The following ARHGEF17 variants were observed in gnomAD, a reference collection of about 807,000 sequenced individuals.
ARHGEF17 encodes the protein Rho guanine nucleotide exchange factor 17.
In ARHGEF17, 80 loss-of-function variants were observed where a neutral mutation model predicts 174.0. The ratio of observed to expected loss-of-function variants is 0.46; its 90% CI spans 0.38 to 0.55. The LOEUF (loss-of-function observed/expected upper bound fraction) is 0.55, where lower values mean the gene tolerates loss of function less well. Ranked by LOEUF, ARHGEF17 falls within the 20% of genes least tolerant of loss-of-function variation. ARHGEF17 has a pLI of 0.00. For missense variants in ARHGEF17, 2,886 were observed against 2,839.7 expected (o/e 1.02, Z -0.37); for synonymous variants, 1,311 against 1,189.1 (o/e 1.10, Z -2.11).
chr11:73,364,798 G>A, intron 18 of ARHGEF17, 198 bp downstream of exon 18: 1 of 653,018 alleles, frequency 1.5e-6, no homozygotes, highest in Non-Finnish European at 2.5e-6. Flanking sequence ...AATACAGTAA[G>A]TGTCCCATAT....
intron 1 of ARHGEF17, among the ~76,000 whole-genome samples, chr11:73,334,982 G>A (rs1028702431): frequency 6.6e-6 from 1 of 152,234 alleles, no homozygotes; most frequent in Non-Finnish European, 1.5e-5. Context: ...CTGGTCTGGT[G>A]CTGAGCCAGT....
chr11:73,322,496 C>G (rs1865032971), intron 1 of ARHGEF17, among the ~76,000 whole-genome samples: 1 of 152,248 alleles, frequency 6.6e-6, no homozygotes, highest in African/African-American at 2.4e-5. Context: ...CCCCATGCAT[C>G]TCACCATTGC....
chr11:73,333,874 A>G (rs1338158347), intron 1 of ARHGEF17, among the ~76,000 whole-genome samples: 1 of 152,200 alleles, frequency 6.6e-6, no homozygotes, highest in Non-Finnish European at 1.5e-5. Flanking sequence ...GTGCCCATAT[A>G]TCAAATGCGT....
chr11:73,326,996 G>T (rs1463236471), intron 1 of ARHGEF17, among the ~76,000 whole-genome samples: 1 of 152,204 alleles, frequency 6.6e-6, no homozygotes, highest in Non-Finnish European at 1.5e-5. Flanking sequence ...TGCAGGCTCA[G>T]AAGGGCAACC....
intron 2 of ARHGEF17, among the ~76,000 whole-genome samples, chr11:73,352,491 G>T (rs1865570681): frequency 6.6e-6 from 1 of 152,194 alleles, no homozygotes; most frequent in Non-Finnish European, 1.5e-5. Flanking sequence ...CGTAGTAAGT[G>T]CTCAGTAAAT....
In ARHGEF17 at chr11:73,356,184, A is replaced by C; in HGVS notation, c.3673A>C (p.Lys1225Gln). 1.2e-6 allele frequency: 2 copies of C among 1,613,860 alleles called. No individual in the cohort carries two copies. The highest frequency in any genetic ancestry group is 1.7e-6 in the Non-Finnish European group (2 of 1,179,980). ...CCCATTCCCACCCCAGGACCTCCTG[A>C]AGCATACACCTGAGGACCACCCGGA... ...RYELLVKDLL[K>Q]HTPEDHPDHP... The change falls in exon 6 of 21, where the codon AAG (lysine) becomes CAG (glutamine). Residue 1225 changes from lysine to glutamine, a missense_variant. Coordinates refer to ENST00000263674, the MANE Select transcript of ARHGEF17 (RefSeq NM_014786.4).
chr11:73,356,439 A>T (rs1204132669), intron 6 of ARHGEF17, 88 bp downstream of exon 6: 5 of 1,389,648 alleles, frequency 3.6e-6, no homozygotes, highest in Non-Finnish European at 4.7e-6. Context: ...GGCCACCTGG[A>T]ATCGTGGCTG....
Position 73,355,244 on chromosome 11 carries a change from G to A in ARHGEF17, c.3454-289G>A, listed in dbSNP as rs115627467. ...TAGGGATGGAAATGCCCAGTTGGAA[G>A]TGAGAGAACCAGGTCTGAGCTCACA... On this transcript the variant is annotated intron_variant, in intron 3 of 20. Transcript: ENST00000263674. Among the ~76,000 whole-genome samples, 227 of 152,342 alleles carry A rather than the reference G, an allele frequency of 1.5e-3. 3 individuals carry two copies. Among genetic ancestry groups the A allele is most frequent in the African/African-American group, 5.2e-3 (216 of 41,564 alleles).
chr11:73,310,986 A>G lies in ARHGEF17; in HGVS notation c.2348A>G (p.His783Arg). 1 of 1,614,190 alleles carries G rather than the reference A, an allele frequency of 6.2e-7. No individual in the cohort carries two copies. The highest frequency in any genetic ancestry group is 8.5e-7 in the Non-Finnish European group (1 of 1,180,016). Residue 783 changes from histidine to arginine, a missense_variant, in exon 1 of 21, where the codon CAC becomes CGC. Transcript: ENST00000263674. ...ATGGATGAGGGCTTGACCAGTGGTCACAGTGACTGGTCTGTGGGCAGTGAA... is the reference window on the plus strand; with the variant it reads ...ATGGATGAGGGCTTGACCAGTGGTCGCAGTGACTGGTCTGTGGGCAGTGAA... Reference protein sequence around the residue: ...SAMDEGLTSGHSDWSVGSEES... With the variant: ...SAMDEGLTSGRSDWSVGSEES...
At chr11:73,355,161 C>T (rs566988149) in intron 3 of ARHGEF17, among the ~76,000 whole-genome samples, 34 of 152,300 alleles carry the variant, frequency 2.2e-4, no homozygotes, top group Admixed American at 1.5e-3. Flanking sequence ...GAGTCTGTGT[C>T]ACTCAGAGAA....
chr11:73,357,617 T>A (rs977229392), intron 9 of ARHGEF17, among the ~76,000 whole-genome samples: 4 of 152,212 alleles, frequency 2.6e-5, no homozygotes, highest in Non-Finnish European at 5.9e-5. Flanking sequence ...AGCCATTGAT[T>A]CATCTGTGCA....
chr11:73,328,578 T>A (rs971849613), intron 1 of ARHGEF17, among the ~76,000 whole-genome samples: 2 of 152,108 alleles, frequency 1.3e-5, no homozygotes, highest in African/African-American at 4.8e-5. Context: ...TCTACCCCAG[T>A]CTGAATGTGA....
At chr11:73,314,719 G>C (rs186677683) in intron 1 of ARHGEF17, among the ~76,000 whole-genome samples, 5 of 152,194 alleles carry the variant, frequency 3.3e-5, no homozygotes, top group East Asian at 3.9e-4. Context: ...TGAGGAGGCA[G>C]AGCTGTCAGG....
At chr11:73,356,557 G>A (rs990010570) in intron 6 of ARHGEF17, 152 bp from the exon 7 acceptor site, 17 of 1,199,830 alleles carry the variant, frequency 1.4e-5, no homozygotes, top group East Asian at 2.5e-5. Context: ...CTTGGGTCCT[G>A]TGGCCTGGCA....
chr11:73,309,813 G>A lies in ARHGEF17; in HGVS notation c.1175G>A (p.Arg392His), dbSNP rs758701878. 6.2e-7 allele frequency: 1 copy of A among 1,613,130 alleles called. No individual in the cohort carries two copies. The highest frequency in any genetic ancestry group is 2.2e-5 in the East Asian group (1 of 44,876). Residue 392 changes from arginine (R) to histidine (H), a missense_variant, in exon 1 of 21, where the codon CGT becomes CAT. Transcript: ENST00000263674. ...CCCGCAGGCTCCCGCGGTAGCAGCC[G>A]TTATTCCAGCACGGAGACCCTCAAG... Reference protein sequence around the residue: ...ASPAGSRGSSRYSSTETLKDD... With the variant: ...ASPAGSRGSSHYSSTETLKDD...
chr11:73,337,406 GAAAAA>G (rs199793636), intron 1 of ARHGEF17, among the ~76,000 whole-genome samples: 4 of 48,164 alleles, frequency 8.3e-5, no homozygotes, highest in African/African-American at 2.0e-4. Context: ...CCTGTCTCAA[GAAAAA>G]AAAAAAAAAA....
rs1181098646 is a variant in ARHGEF17, at chr11:73,355,422, A to T, written c.3454-111A>T. The stretch of plus-strand genomic sequence containing the variant: ...TGCCTGATCCCTTAGAGATTGTATC[A>T]TTTCTAGTTGGAGGGAAAAGATGGT... On this transcript the variant is annotated intron_variant, in intron 3 of 20. Transcript: ENST00000263674. The T allele has an allele frequency of 6.9e-6, 5 of 725,602 alleles. No individual in the cohort carries two copies. In the East Asian group the frequency reaches 1.3e-4, roughly 18 times the overall value. The allele number at this position is 725,602 out of a possible 1,614,324, so 44.9% of individuals were successfully genotyped here.
At position 73,311,732 on chromosome 11, in the gene ARHGEF17, C is replaced by G. The variant is rs766453991; in HGVS notation, c.3094C>G (p.Leu1032Val). ...PVPVDMPCLP[L>V]AAPPSAEAKP... Reference sequence around the variant, plus strand: ...GCCAGTGGACATGCCCTGCTTGCCTCTGGCTGCACCGCCCTCTGCTGAGGC... The same window carrying G: ...GCCAGTGGACATGCCCTGCTTGCCTGTGGCTGCACCGCCCTCTGCTGAGGC... The change falls in exon 1 of 21, where the codon CTG becomes GTG. Residue 1032 changes from leucine (L) to valine (V), a missense_variant. Transcript: ENST00000263674. 6.2e-7 allele frequency: 1 copy of G among 1,613,256 alleles called. No homozygotes were observed. The highest frequency in any genetic ancestry group is 1.1e-5 in the South Asian group (1 of 91,090).
chr11:73,332,480 C>A (rs1289270810), intron 1 of ARHGEF17, among the ~76,000 whole-genome samples: 1 of 149,996 alleles, frequency 6.7e-6, no homozygotes, highest in Non-Finnish European at 1.5e-5. Flanking sequence ...TACCCAAATA[C>A]TTCTCCATAG....
Sources: allele counts gnomAD v4.1 joint callset (sites outside exome capture counted in the v4.1 genomes callset), GRCh38; gene constraint gnomAD v4.1.1; transcripts MANE v1.5; gene names NCBI Gene and HGNC (gene_info 2026-07-23, HGNC 2026-07-21).